The following ATP2B1 variants were observed in gnomAD, a reference collection of about 807,000 sequenced individuals.
ATP2B1 encodes the protein plasma membrane calcium-transporting ATPase 1.
ATP2B1 carries 14 observed loss-of-function variants against 124.2 expected under a neutral mutation model. The observed-to-expected ratio is 0.11, with a 90% CI of 0.07 to 0.18. ATP2B1 has a LOEUF of 0.18. Among genes scored for constraint, ATP2B1 ranks in the 10% least tolerant of loss-of-function variants. The pLI, the probability that ATP2B1 is intolerant of heterozygous loss-of-function variation, is 1.00. For synonymous variants in ATP2B1, 449 were observed against 492.4 expected (o/e 0.91, Z 1.17); for missense variants, 763 against 1,466.1 (o/e 0.52, Z 7.83).
intron 11 of ATP2B1, among the ~76,000 whole-genome samples, chr12:89,619,412 G>T (rs1032043839): frequency 6.6e-6 from 1 of 152,048 alleles, no homozygotes; most frequent in African/African-American, 2.4e-5. Context: ...AGGAGTTCAA[G>T]ACCAGCCTGG....
chr12:89,603,560 T>TA lies in ATP2B1; in HGVS notation c.2848+151dup, dbSNP rs1456594809. 3 of 794,612 alleles carry TA rather than the reference T, an allele frequency of 3.8e-6. No homozygotes were observed. The highest frequency in any genetic ancestry group is 5.9e-6 in the Non-Finnish European group (3 of 509,898). 49.2% of individuals were successfully genotyped at this position (794,612 alleles called of 1,614,324 possible). A position where few individuals can be genotyped will look rare whatever the true frequency, so the allele number is the denominator to read the frequency against. On this transcript the variant is annotated intron_variant, in intron 17 of 20. Coordinates refer to ENST00000428670, the MANE Select transcript of ATP2B1 (RefSeq NM_001366521.1). This position sits in a 1 kb window ranked among gnomAD's most constrained non-coding sequence, Gnocchi z 4.3. ...TAGCTTATTGTCCTCCCAAATTTAC[T>TA]AAGCACTCACTGATTAAGAAGAAAT...
chr12:89,648,209 T>C (rs1884762302), intron 2 of ATP2B1, among the ~76,000 whole-genome samples: 2 of 152,174 alleles, frequency 1.3e-5, no homozygotes. Flanking sequence ...TTGGAGGGCT[T>C]AGAAGAAGAC....
chr12:89,677,965 T>TACACACACACACAC (rs762930153), intron 1 of ATP2B1, among the ~76,000 whole-genome samples: 1 of 112,060 alleles, frequency 8.9e-6, no homozygotes, highest in East Asian at 2.6e-4. Context: ...TATATATATA[T>TACACACACACACAC]ATATATACAC....
intron 1 of ATP2B1, among the ~76,000 whole-genome samples, chr12:89,705,970 T>C (rs1319418212): frequency 6.6e-6 from 1 of 152,172 alleles, no homozygotes; most frequent in African/African-American, 2.4e-5. Context: ...AATATCCACA[T>C]CTTAATTCAT....
At chr12:89,612,750 A>G (rs756035004) in intron 12 of ATP2B1, among the ~76,000 whole-genome samples, 4 of 152,180 alleles carry the variant, frequency 2.6e-5, no homozygotes, top group Non-Finnish European at 5.9e-5. Flanking sequence ...ACATACCTCT[A>G]TTACAGATCA....
chr12:89,701,971 C>T (rs983317675), intron 1 of ATP2B1, among the ~76,000 whole-genome samples: 5 of 152,198 alleles, frequency 3.3e-5, no homozygotes, highest in Admixed American at 2.0e-4. Context: ...TGCAACACAG[C>T]TCTCAACTCC....
At chr12:89,657,258 C>G (rs762159782) in intron 1 of ATP2B1, among the ~76,000 whole-genome samples, 5 of 152,156 alleles carry the variant, frequency 3.3e-5, no homozygotes, top group Non-Finnish European at 5.9e-5. Flanking sequence ...CCCTTTTCTT[C>G]CTGATCTTCA....
At chr12:89,661,203 A>G (rs1886655065) in intron 1 of ATP2B1, among the ~76,000 whole-genome samples, 1 of 152,232 alleles carries the variant, frequency 6.6e-6, no homozygotes, top group African/African-American at 2.4e-5. Context: ...ACACAATTAG[A>G]GCTTATTCCC....
intron 11 of ATP2B1, among the ~76,000 whole-genome samples, chr12:89,619,618 T>TA (rs367554417): frequency 0.51 from 62,686 of 123,186 alleles, 14,199 homozygotes; most frequent in Admixed American, 0.62. Context: ...CTTAAACAAA[T>TA]AAAAAAAAAA....
chr12:89,685,526 A>G (rs1361752325), intron 1 of ATP2B1, among the ~76,000 whole-genome samples: 3 of 152,050 alleles, frequency 2.0e-5, no homozygotes, highest in African/African-American at 7.2e-5. Flanking sequence ...TATCAGCATC[A>G]CCATGGAGCT....
At position 89,655,916 on chromosome 12, in the gene ATP2B1, T is replaced by A. The variant is rs1391777900; in HGVS notation, c.-30A>T. On this transcript the variant is annotated 5_prime_UTR_variant, in exon 2 of 21. Transcript: ENST00000428670. Reference sequence around the variant, plus strand: ...AGTATAATATATCAGAAGGAAAATGTTTCCCAAAAGAATTTAATTTTCACT... The same window carrying A: ...AGTATAATATATCAGAAGGAAAATGATTCCCAAAAGAATTTAATTTTCACT... 1 of 1,524,680 alleles carries A rather than the reference T, an allele frequency of 6.6e-7. No individual in the cohort carries two copies. Among genetic ancestry groups the A allele is most frequent in the Non-Finnish European group, 8.8e-7 (1 of 1,134,652 alleles). 94.4% of individuals were successfully genotyped at this position (1,524,680 alleles called of 1,614,324 possible). A position where few individuals can be genotyped will look rare whatever the true frequency, so the allele number is the denominator to read the frequency against.
chr12:89,690,242 G>A (rs554840825), intron 1 of ATP2B1, among the ~76,000 whole-genome samples: 12 of 151,822 alleles, frequency 7.9e-5, no homozygotes, highest in African/African-American at 2.9e-4. Flanking sequence ...TGCTGCCATT[G>A]CTTAAAACAT....
chr12:89,703,991 A>AT (rs1190968849), intron 1 of ATP2B1, among the ~76,000 whole-genome samples: 3 of 152,198 alleles, frequency 2.0e-5, no homozygotes, highest in African/African-American at 4.8e-5. Context: ...CTTCATGCAC[A>AT]TTAATGCTGG....
intron 1 of ATP2B1, among the ~76,000 whole-genome samples, chr12:89,705,223 T>C (rs1178641435): frequency 6.6e-6 from 1 of 152,156 alleles, no homozygotes; most frequent in Non-Finnish European, 1.5e-5. Flanking sequence ...AACCATTGTA[T>C]GTTATTTTCC....
intron 15 of ATP2B1, among the ~76,000 whole-genome samples, chr12:89,606,672 C>T (rs1240148777): frequency 6.8e-6 from 1 of 147,382 alleles, no homozygotes; most frequent in African/African-American, 2.5e-5. Context: ...CTTCCGGGTT[C>T]ACGCCATTCT....
chr12:89,666,443 C>T (rs940235853), intron 1 of ATP2B1, among the ~76,000 whole-genome samples: 2 of 152,220 alleles, frequency 1.3e-5, no homozygotes, highest in Non-Finnish European at 2.9e-5. Flanking sequence ...CAGTGAACAA[C>T]TTATCTCACT....
chr12:89,673,730 A>AT (rs1316316735), intron 1 of ATP2B1, among the ~76,000 whole-genome samples: 10 of 152,170 alleles, frequency 6.6e-5, no homozygotes, highest in African/African-American at 2.2e-4. Context: ...CATCTCCAAG[A>AT]TAAGGGCAGC....
At chr12:89,662,257 C>T (rs1000770010) in intron 1 of ATP2B1, among the ~76,000 whole-genome samples, 14 of 151,820 alleles carry the variant, frequency 9.2e-5, no homozygotes, top group Admixed American at 5.9e-4. Context: ...ACCTTTTACC[C>T]GATTCACACC....
chr12:89,611,408 T>C, intron 12 of ATP2B1, 36 bp from the exon 13 acceptor site: 2 of 1,469,436 alleles, frequency 1.4e-6, no homozygotes, highest in South Asian at 1.5e-5. Context: ...ACAAAGTTAA[T>C]TTGGTATTTT....
Sources: allele counts gnomAD v4.1 joint callset (sites outside exome capture counted in the v4.1 genomes callset), GRCh38; gene constraint gnomAD v4.1.1; non-coding constraint Gnocchi (gnomAD v3.1); transcripts MANE v1.5; gene names NCBI Gene and HGNC (gene_info 2026-07-23, HGNC 2026-07-21).